Variants in CCDC170 observed in about 807,000 individuals in gnomAD.
CCDC170 encodes coiled-coil domain-containing protein 170.
In CCDC170, 69 loss-of-function variants were observed where a neutral mutation model predicts 72.6. The ratio of observed to expected loss-of-function variants is 0.95; its 90% CI spans 0.78 to 1.16. The LOEUF is 1.16. CCDC170 is among the 50% of genes most tolerant of loss of function. CCDC170 has a pLI of 0.00. For synonymous variants in CCDC170, 300 were observed against 303.9 expected (o/e 0.99, Z 0.13); for missense variants, 852 against 832.5 (o/e 1.02, Z -0.29).
chr6:151,558,985 T>C (rs1315679234), intron 5 of CCDC170, among the ~76,000 whole-genome samples: 1 of 151,648 alleles, frequency 6.6e-6, no homozygotes, highest in Non-Finnish European at 1.5e-5. Flanking sequence ...CTTTGGGTAA[T>C]GTGGTCATTT....
chr6:151,507,415 T>C (rs1195738120), intron 1 of CCDC170, among the ~76,000 whole-genome samples: 1 of 152,190 alleles, frequency 6.6e-6, no homozygotes, highest in African/African-American at 2.4e-5. Flanking sequence ...GTTTATGAGG[T>C]TGCAACCCCA....
intron 1 of CCDC170, among the ~76,000 whole-genome samples, chr6:151,529,121 A>G (rs565305172): frequency 6.6e-6 from 1 of 152,250 alleles, no homozygotes; most frequent in Admixed American, 6.5e-5. Flanking sequence ...ATATATTTAT[A>G]GACAAAAACA....
chr6:151,499,816 A>G (rs1475403486), intron 1 of CCDC170, among the ~76,000 whole-genome samples: 1 of 152,192 alleles, frequency 6.6e-6, no homozygotes, highest in African/African-American at 2.4e-5. Flanking sequence ...CATTGTATGC[A>G]TATGTCATGT....
At chr6:151,522,669 C>T (rs1782340664) in intron 1 of CCDC170, among the ~76,000 whole-genome samples, 1 of 152,208 alleles carries the variant, frequency 6.6e-6, no homozygotes, top group South Asian at 2.1e-4. Context: ...AGTGTGCGCT[C>T]ACCATTGCTC....
At chr6:151,539,091 G>A (rs138815188) in intron 3 of CCDC170, among the ~76,000 whole-genome samples, 3,203 of 152,002 alleles carry the variant, frequency 0.021, 120 homozygotes, top group African/African-American at 0.073. Flanking sequence ...GTGAAACCCC[G>A]TCTCTACTAA....
At chr6:151,555,272 T>G (rs188522137) in intron 5 of CCDC170, among the ~76,000 whole-genome samples, 2 of 152,202 alleles carry the variant, frequency 1.3e-5, no homozygotes, top group African/African-American at 4.8e-5. Flanking sequence ...CATAAAATAC[T>G]TAGGACGTGT....
At chr6:151,603,548 T>G (rs1183416483) in intron 9 of CCDC170, among the ~76,000 whole-genome samples, 2 of 152,222 alleles carry the variant, frequency 1.3e-5, no homozygotes, top group Non-Finnish European at 2.9e-5. Context: ...AAGTGCTTTG[T>G]GTAATTTATA....
At chr6:151,568,674 A>G (rs936393386) in intron 5 of CCDC170, among the ~76,000 whole-genome samples, 3 of 152,178 alleles carry the variant, frequency 2.0e-5, no homozygotes, top group African/African-American at 7.2e-5. Context: ...ACTATGTACC[A>G]TTGTTATTTG....
chr6:151,555,796 C>T (rs983686171), intron 5 of CCDC170, among the ~76,000 whole-genome samples: 4 of 152,194 alleles, frequency 2.6e-5, no homozygotes, highest in African/African-American at 7.2e-5. Context: ...TTATGGATTT[C>T]TAAGTCTCTT....
Position 151,618,357 on chromosome 6 carries a change from C to G in CCDC170, c.*210C>G. 1 of 541,094 alleles carries G rather than the reference C, an allele frequency of 1.8e-6. No individual in the cohort carries two copies. Among genetic ancestry groups the G allele is most frequent in the Non-Finnish European group, 3.3e-6 (1 of 306,108 alleles). The allele number at this position is 541,094 out of a possible 1,614,324, so 33.5% of individuals were successfully genotyped here. On this transcript the variant is annotated 3_prime_UTR_variant, in exon 11 of 11. Coordinates refer to ENST00000239374, the MANE Select transcript of CCDC170 (RefSeq NM_025059.4). ...AAACGCCTATTATTTCATTTACTAG[C>G]ATTTTAGGATCCAGAAGAATTCCAC...
At chr6:151,608,669 G>A (rs973111564) in intron 9 of CCDC170, among the ~76,000 whole-genome samples, 2 of 152,176 alleles carry the variant, frequency 1.3e-5, no homozygotes, top group Admixed American at 1.3e-4. Flanking sequence ...GAGATGCATG[G>A]CAGGCTGTTC....
chr6:151,557,360 G>A (rs1782997815), intron 5 of CCDC170, among the ~76,000 whole-genome samples: 1 of 150,146 alleles, frequency 6.7e-6, no homozygotes, highest in Non-Finnish European at 1.5e-5. Flanking sequence ...AGTGAGCCGA[G>A]ATCACGCCAC....
At chr6:151,516,021 G>A (rs1449247565) in intron 1 of CCDC170, among the ~76,000 whole-genome samples, 3 of 151,128 alleles carry the variant, frequency 2.0e-5, no homozygotes, top group East Asian at 1.9e-4. Flanking sequence ...AGCTGAGATC[G>A]CGCCACTGCA....
intron 1 of CCDC170, among the ~76,000 whole-genome samples, chr6:151,523,993 G>A (rs1188277848): frequency 6.6e-6 from 1 of 152,194 alleles, no homozygotes; most frequent in African/African-American, 2.4e-5. Flanking sequence ...TCACTGCAGG[G>A]GAGAGGGGAT....
At chr6:151,584,923 G>A (rs1177156187) in intron 6 of CCDC170, among the ~76,000 whole-genome samples, 1 of 152,202 alleles carries the variant, frequency 6.6e-6, no homozygotes. Flanking sequence ...TTCCATTTCT[G>A]TGAGAATGGT....
intron 3 of CCDC170, among the ~76,000 whole-genome samples, chr6:151,541,778 G>A (rs982297485): frequency 6.9e-6 from 1 of 145,362 alleles, no homozygotes; most frequent in African/African-American, 2.5e-5. Context: ...ATGACTTTAG[G>A]TAGTGTACTA....
intron 4 of CCDC170, among the ~76,000 whole-genome samples, chr6:151,547,883 T>G (rs1273652919): frequency 6.6e-6 from 1 of 152,234 alleles, no homozygotes; most frequent in East Asian, 1.9e-4. Context: ...GAAGAATATT[T>G]TTTTAAAAAG....
chr6:151,552,360 A>G (rs894802336), intron 5 of CCDC170, among the ~76,000 whole-genome samples: 1 of 152,104 alleles, frequency 6.6e-6, no homozygotes, highest in Non-Finnish European at 1.5e-5. Flanking sequence ...GATCATTATC[A>G]GGTTATTCCT....
chr6:151,597,143 G>A (rs1352287874), intron 9 of CCDC170, among the ~76,000 whole-genome samples: 4 of 142,260 alleles, frequency 2.8e-5, no homozygotes, highest in Non-Finnish European at 6.1e-5. Flanking sequence ...AAATTTTTTC[G>A]AGACTGAGTC....
Sources: allele counts gnomAD v4.1 joint callset (sites outside exome capture counted in the v4.1 genomes callset), GRCh38; gene constraint gnomAD v4.1.1; transcripts MANE v1.5; gene names NCBI Gene and HGNC (gene_info 2026-07-23, HGNC 2026-07-21).